The following CNOT6 variants were observed in gnomAD, a reference collection of about 807,000 sequenced individuals.
The protein encoded by CNOT6 is CCR4-NOT transcription complex subunit 6.
Under a neutral mutation model 61.2 loss-of-function variants are expected in CNOT6, and 12 were observed. The ratio of observed to expected loss-of-function variants is 0.20; its 90% CI spans 0.13 to 0.32. CNOT6 has a LOEUF of 0.32. Among genes scored for constraint, CNOT6 ranks in the 10% least tolerant of loss-of-function variants. The probability of loss-of-function intolerance (pLI) is 1.00; values close to 1 mark genes in which losing one functional copy is unlikely to be tolerated. For missense variants in CNOT6, 405 were observed against 663.9 expected, an observed-to-expected ratio of 0.61 and a Z score of 4.28; for synonymous variants, 225 against 240.6, an observed-to-expected ratio of 0.94 and a Z score of 0.60.
chr5:180,500,820 A>C (rs1049858636), intron 1 of CNOT6, among the ~76,000 whole-genome samples: 4 of 152,154 alleles, frequency 2.6e-5, no homozygotes, highest in African/African-American at 7.2e-5. Context: ...CGGGTTATAC[A>C]GTAATTAAGA....
intron 2 of CNOT6, among the ~76,000 whole-genome samples, chr5:180,533,858 G>T (rs1758532829): frequency 6.6e-6 from 1 of 152,056 alleles, no homozygotes; most frequent in Non-Finnish European, 1.5e-5. Context: ...AGATTATTTG[G>T]AGTGGGTCAC....
Position 180,577,296 on chromosome 5 carries a change from TTTAAA to T in CNOT6, c.*3102_*3106del, listed in dbSNP as rs1449691118. The T allele has an allele frequency of 7.9e-5, 12 of 152,558 alleles. No homozygotes were observed. The highest frequency in any genetic ancestry group is 2.7e-4 in the African/African-American group (11 of 41,426). 9.5% of individuals were successfully genotyped at this position (152,558 alleles called of 1,614,324 possible). On this transcript the variant is annotated 3_prime_UTR_variant, in exon 12 of 12. Transcript: ENST00000261951. ...ATTGGATGGAATGCACTTCTAAATG[TTTAAA>T]TTAAAATTTCAAAGCTCTTTCGAGA...
intron 1 of CNOT6, among the ~76,000 whole-genome samples, chr5:180,498,950 G>A (rs1402722305): frequency 3.3e-5 from 5 of 152,172 alleles, no homozygotes; most frequent in Middle Eastern, 6.8e-3. Context: ...CCACCACGCC[G>A]ACTAATTTTT....
intron 2 of CNOT6, among the ~76,000 whole-genome samples, chr5:180,535,161 A>T (rs1417797124): frequency 2.0e-5 from 3 of 152,274 alleles, no homozygotes; most frequent in Admixed American, 2.0e-4. Flanking sequence ...ACACCCAGCC[A>T]TCTGGCTAGG....
chr5:180,513,915 G>A (rs1423272275), intron 1 of CNOT6, among the ~76,000 whole-genome samples: 1 of 151,314 alleles, frequency 6.6e-6, no homozygotes, highest in East Asian at 2.0e-4. Flanking sequence ...GTGTTAGCCA[G>A]ATGGTCTCGA....
chr5:180,557,463 A>G (rs1000497825), intron 4 of CNOT6, among the ~76,000 whole-genome samples: 1 of 152,060 alleles, frequency 6.6e-6, no homozygotes, highest in Non-Finnish European at 1.5e-5. Flanking sequence ...TTTGATTTAC[A>G]TTTCCCCAAT....
At position 180,533,312 on chromosome 5, in the gene CNOT6, C is replaced by CTATATATATATATA. The variant is rs56266069; in HGVS notation, c.112+3942_112+3955dup. Among the ~76,000 whole-genome samples, 619 of 127,306 alleles carry CTATATATATATATA rather than the reference C, an allele frequency of 4.9e-3. 10 individuals are homozygous for CTATATATATATATA. Among genetic ancestry groups the CTATATATATATATA allele is most frequent in the African/African-American group, 6.0e-3 (193 of 32,054 alleles). 83.5% of individuals were successfully genotyped at this position (127,306 alleles called of 152,430 possible). A position where few individuals can be genotyped will look rare whatever the true frequency, so the allele number is the denominator to read the frequency against. ...GGAACCAGGAACCATGGATGAAAACCTATATATATATATATATATATATAT... is the reference window on the plus strand; with the variant it reads ...GGAACCAGGAACCATGGATGAAAACCTATATATATATATATATATATATATATATATATATATAT... On this transcript the variant is annotated intron_variant, in intron 2 of 11. Coordinates refer to ENST00000261951, the MANE Select transcript of CNOT6 (RefSeq NM_001370472.1).
At chr5:180,498,059 A>G (rs1434923781) in intron 1 of CNOT6, among the ~76,000 whole-genome samples, 1 of 151,992 alleles carries the variant, frequency 6.6e-6, no homozygotes, top group African/African-American at 2.4e-5. Context: ...AAAAAAAAAA[A>G]TGCTGAGTAA....
intron 8 of CNOT6, 56 bp downstream of exon 8, chr5:180,567,298 C>A: frequency 6.7e-7 from 1 of 1,493,956 alleles, no homozygotes; most frequent in Admixed American, 2.1e-5. Context: ...AGGGTGGGGG[C>A]CAAGGGTGTG....
intron 2 of CNOT6, among the ~76,000 whole-genome samples, chr5:180,536,438 T>C (rs1369179863): frequency 3.9e-5 from 6 of 152,140 alleles, no homozygotes; most frequent in Non-Finnish European, 2.9e-5. Context: ...TGCAGAAACT[T>C]CTTAATGTAA....
chr5:180,531,744 A>T lies in CNOT6; in HGVS notation c.112+2356A>T, dbSNP rs138014893. Among the ~76,000 whole-genome samples the T allele has an allele frequency of 3.7e-3, 562 of 152,344 alleles. 3 individuals carry two copies. The highest frequency in any genetic ancestry group is 0.012 in the African/African-American group (506 of 41,588). Reference sequence around the variant, plus strand: ...CCGTCTGTAATCCCGGCACCTCGGGAGGCCGAGGCAGGCAGATCACTCGGG... The same window carrying T: ...CCGTCTGTAATCCCGGCACCTCGGGTGGCCGAGGCAGGCAGATCACTCGGG... On this transcript the variant is annotated intron_variant, in intron 2 of 11. Transcript: ENST00000261951.
intron 3 of CNOT6, among the ~76,000 whole-genome samples, chr5:180,552,741 C>T (rs530756774): frequency 2.6e-5 from 4 of 152,244 alleles, no homozygotes; most frequent in Admixed American, 1.3e-4. Context: ...CGTGTCCCCC[C>T]GGCTCACCCT....
chr5:180,553,326 G>A, intron 3 of CNOT6, 60 bp from the exon 4 acceptor site: 1 of 1,147,830 alleles, frequency 8.7e-7, no homozygotes, highest in East Asian at 2.4e-5. Flanking sequence ...CTATGTTGTT[G>A]ATTTTAACTG....
chr5:180,554,164 T>C (rs1401290131), intron 4 of CNOT6, among the ~76,000 whole-genome samples: 1 of 152,142 alleles, frequency 6.6e-6, no homozygotes, highest in Non-Finnish European at 1.5e-5. Flanking sequence ...ACACCTGTAA[T>C]CACAAAACTT....
intron 2 of CNOT6, among the ~76,000 whole-genome samples, chr5:180,532,284 T>G (rs1219557999): frequency 6.6e-6 from 1 of 152,214 alleles, no homozygotes; most frequent in Non-Finnish European, 1.5e-5. Context: ...TTACAATTCC[T>G]TTGCTTGTAA....
At chr5:180,505,584 G>T (rs1360031355) in intron 1 of CNOT6, among the ~76,000 whole-genome samples, 2 of 125,942 alleles carry the variant, frequency 1.6e-5, no homozygotes, top group Non-Finnish European at 3.3e-5. Context: ...GTCTGGCTCT[G>T]TCGCCCAGTC....
intron 8 of CNOT6, among the ~76,000 whole-genome samples, chr5:180,567,549 T>C (rs1048859453): frequency 6.6e-6 from 1 of 152,242 alleles, no homozygotes; most frequent in African/African-American, 2.4e-5. Context: ...ACCCATACTT[T>C]AGAAAAGAAT....
chr5:180,497,364 T>G (rs1756660242), intron 1 of CNOT6, among the ~76,000 whole-genome samples: 1 of 152,022 alleles, frequency 6.6e-6, no homozygotes, highest in Non-Finnish European at 1.5e-5. Context: ...GGTGAATGCT[T>G]AGACATTCCA....
chr5:180,532,066 G>A (rs1166160261), intron 2 of CNOT6, among the ~76,000 whole-genome samples: 2 of 152,190 alleles, frequency 1.3e-5, no homozygotes, highest in African/African-American at 4.8e-5. Flanking sequence ...AGTAGGTGTG[G>A]TCATGGAGAG....
Sources: gnomAD v4.1 joint callset for allele counts (sites outside exome capture counted in the v4.1 genomes callset) on GRCh38, gnomAD v4.1.1 for gene constraint, MANE v1.5 for transcripts, NCBI Gene and HGNC (gene_info 2026-07-23, HGNC 2026-07-21) for gene names.